ERBB4: variants seen among roughly 807,000 people sequenced by gnomAD.
The protein encoded by ERBB4 is receptor tyrosine-protein kinase erbB-4.
Under a neutral mutation model 158.0 loss-of-function variants are expected in ERBB4, and 42 were observed. The ratio of observed to expected loss-of-function variants is 0.27; its 90% CI spans 0.21 to 0.34. ERBB4 has a LOEUF of 0.34. ERBB4 is among the 10% of genes least tolerant of loss of function. ERBB4 has a pLI of 1.00. For synonymous variants in ERBB4, 583 were observed against 558.7 expected (o/e 1.04, Z -0.61); for missense variants, 1,333 against 1,624.1 (o/e 0.82, Z 3.08).
chr2:211,829,717 T>C (rs1319803749), intron 3 of ERBB4, among the ~76,000 whole-genome samples: 1 of 152,182 alleles, frequency 6.6e-6, no homozygotes, highest in Non-Finnish European at 1.5e-5. Context: ...GTTTCCTTAA[T>C]ATGTCAGGTT....
At chr2:211,593,028 G>GAA (rs1201271370) in intron 19 of ERBB4, among the ~76,000 whole-genome samples, 7 of 146,994 alleles carry the variant, frequency 4.8e-5, no homozygotes, top group African/African-American at 1.8e-4. Context: ...AAAAAAAGAA[G>GAA]GGCCCTTCTG....
At chr2:211,773,067 G>A (rs1213966884) in intron 4 of ERBB4, among the ~76,000 whole-genome samples, 5 of 149,224 alleles carry the variant, frequency 3.4e-5, no homozygotes, top group African/African-American at 9.9e-5. Flanking sequence ...TACAGCATGA[G>A]CCACCACGCC....
intron 1 of ERBB4, among the ~76,000 whole-genome samples, chr2:212,519,610 A>G (rs1017923827): frequency 1.3e-5 from 2 of 151,962 alleles, no homozygotes; most frequent in Non-Finnish European, 2.9e-5. Context: ...AGCCATTAAG[A>G]AAATAATGAA....
intron 1 of ERBB4, among the ~76,000 whole-genome samples, chr2:212,519,642 T>C (rs777899989): frequency 6.6e-6 from 1 of 151,860 alleles, no homozygotes. Flanking sequence ...TGGGGCAACC[T>C]GGGTGAATCT....
chr2:211,899,270 T>C (rs376136752), intron 3 of ERBB4, among the ~76,000 whole-genome samples: 3 of 152,142 alleles, frequency 2.0e-5, no homozygotes, highest in Non-Finnish European at 4.4e-5. Context: ...GAAATGACTA[T>C]AGAATTCATG....
intron 15 of ERBB4, among the ~76,000 whole-genome samples, chr2:211,660,345 T>G (rs2071376293): frequency 6.6e-6 from 1 of 152,180 alleles, no homozygotes; most frequent in African/African-American, 2.4e-5. Context: ...AGGGAAATGG[T>G]AACTGTGTTG....
chr2:212,171,223 T>C (rs1412022582), intron 1 of ERBB4, among the ~76,000 whole-genome samples: 1 of 152,096 alleles, frequency 6.6e-6, no homozygotes, highest in Non-Finnish European at 1.5e-5. Context: ...CAGACTTGCA[T>C]GGGGCCTGTA....
intron 25 of ERBB4, among the ~76,000 whole-genome samples, chr2:211,394,254 T>G (rs2062865092): frequency 6.6e-6 from 1 of 152,168 alleles, no homozygotes; most frequent in Non-Finnish European, 1.5e-5. Context: ...TTTCCACTAA[T>G]GCCAACATTG....
At chr2:211,790,357 A>G (rs543378813) in intron 3 of ERBB4, among the ~76,000 whole-genome samples, 17 of 152,204 alleles carry the variant, frequency 1.1e-4, no homozygotes, top group Non-Finnish European at 2.2e-4. Flanking sequence ...CAAACATTGC[A>G]GAAAGAGTGT....
rs535954127 is a variant in ERBB4 at position 211,764,611 on chromosome 2, G to T, written c.557-13907C>A. On this transcript the variant is annotated intron_variant, in intron 4 of 27. Transcript: ENST00000342788. Reference sequence around the variant, plus strand: ...CAGAGAAATTTAATAACTTGCCCAAGATCACACAGTTTGCAATAAGCCTGG... The same window carrying T: ...CAGAGAAATTTAATAACTTGCCCAATATCACACAGTTTGCAATAAGCCTGG... Among the ~76,000 whole-genome samples, 5 of 152,266 alleles carry T rather than the reference G, an allele frequency of 3.3e-5. No homozygotes were observed. In the East Asian group the frequency reaches 7.7e-4, roughly 23 times the overall value.
intron 1 of ERBB4, among the ~76,000 whole-genome samples, chr2:212,396,842 A>C (rs2091040104): frequency 6.6e-6 from 1 of 152,146 alleles, no homozygotes; most frequent in South Asian, 2.1e-4. Context: ...AGGAAGATAA[A>C]GTTTAAGAAT....
At position 211,623,952 on chromosome 2, in the gene ERBB4, A is replaced by G. The variant is rs563877234; in HGVS notation, c.2172T>C (p.Leu724=). 541 of 1,614,186 alleles carry G rather than the reference A, an allele frequency of 3.4e-4. 7 individuals carry two copies. In the South Asian group the frequency reaches 5.0e-3, roughly 15 times the overall value. Residue 724 remains leucine, a synonymous_variant, in exon 18 of 28, where the codon CTT becomes CTC. Transcript: ENST00000342788. ...KETELKRVKV[L]GSGAFGTVYK... Reference sequence around the variant, plus strand: ...AAACCGTTCCAAAAGCACCTGAGCCAAGGACTTTTACCCTCTTCAGCTCAG... The same window carrying G: ...AAACCGTTCCAAAAGCACCTGAGCCGAGGACTTTTACCCTCTTCAGCTCAG...
chr2:212,095,041 A>G (rs1221373988), intron 2 of ERBB4, among the ~76,000 whole-genome samples: 1 of 152,184 alleles, frequency 6.6e-6, no homozygotes, highest in African/African-American at 2.4e-5. Flanking sequence ...ATCAAAAGTA[A>G]TATTCTTGGG....
chr2:212,015,811 C>G (rs1256249138), intron 2 of ERBB4, among the ~76,000 whole-genome samples: 1 of 152,092 alleles, frequency 6.6e-6, no homozygotes, highest in Non-Finnish European at 1.5e-5. Context: ...AAATGAACTT[C>G]CAAGTGCCAG....
intron 20 of ERBB4, among the ~76,000 whole-genome samples, chr2:211,539,891 C>G (rs1559275304): frequency 6.6e-6 from 1 of 152,004 alleles, no homozygotes; most frequent in Non-Finnish European, 1.5e-5. Flanking sequence ...GCTCGTTGCA[C>G]TTTACATAGC....
intron 3 of ERBB4, among the ~76,000 whole-genome samples, chr2:211,847,301 C>G (rs951292648): frequency 3.2e-4 from 48 of 152,114 alleles, no homozygotes; most frequent in African/African-American, 1.1e-3. Context: ...TTATCATAGT[C>G]CTATATTCAG....
chr2:211,721,964 ACCATCCTCCTGTCTCAG>A (rs1398570264), intron 7 of ERBB4, among the ~76,000 whole-genome samples: 2 of 151,982 alleles, frequency 1.3e-5, no homozygotes, highest in African/African-American at 4.8e-5. Context: ...CCAGGTTCAA[ACCATCCTCCTGTCTCAG>A]CCTCCAGAAT....
chr2:211,561,029 G>C (rs796280632), intron 20 of ERBB4, among the ~76,000 whole-genome samples: 6 of 152,180 alleles, frequency 3.9e-5, no homozygotes, highest in African/African-American at 1.4e-4. Context: ...ACTAAGAGTT[G>C]ACATAATTAA....
At chr2:211,465,007 C>A (rs1348652176) in intron 20 of ERBB4, among the ~76,000 whole-genome samples, 3 of 146,634 alleles carry the variant, frequency 2.0e-5, no homozygotes, top group Non-Finnish European at 4.5e-5. Flanking sequence ...GAGGCAAGGT[C>A]TTCCTCTGCT....
Sources: allele counts gnomAD v4.1 joint callset (sites outside exome capture counted in the v4.1 genomes callset), GRCh38; gene constraint gnomAD v4.1.1; transcripts MANE v1.5; gene names NCBI Gene and HGNC (gene_info 2026-07-23, HGNC 2026-07-21).